Variants in SMURF2 observed in about 807,000 individuals in gnomAD.
SMURF2 encodes the protein E3 ubiquitin-protein ligase SMURF2.
SMURF2 carries 48 observed loss-of-function variants against 109.6 expected under a neutral mutation model. That is an observed-to-expected ratio of 0.44 (90% confidence interval 0.35 to 0.56). The LOEUF (loss-of-function observed/expected upper bound fraction) is 0.56, where lower values mean the gene tolerates loss of function less well. SMURF2 is among the 20% of genes least tolerant of loss of function. The probability of loss-of-function intolerance (pLI) is 0.01; values close to 1 mark genes in which losing one functional copy is unlikely to be tolerated. For synonymous variants in SMURF2, 288 were observed against 317.1 expected (o/e 0.91, Z 0.97); for missense variants, 575 against 909.0 (o/e 0.63, Z 4.72).
chr17:64,621,371 G>A (rs1038359608), intron 1 of SMURF2, among the ~76,000 whole-genome samples: 25 of 151,466 alleles, frequency 1.7e-4, no homozygotes, highest in Non-Finnish European at 4.4e-5. Flanking sequence ...CCTGAGGTCA[G>A]GAGTTTGAGA....
chr17:64,593,504 A>T lies in SMURF2; in HGVS notation c.270T>A (p.Gly90=), dbSNP rs1254924774. 8 of 1,609,348 alleles carry T rather than the reference A, an allele frequency of 5.0e-6. No homozygotes were observed. The African/African-American group carries it at 1.1e-4, about 22-fold the overall frequency. Residue 90 remains glycine (G), a synonymous_variant, in exon 4 of 19, where the codon GGT becomes GGA. Transcript: ENST00000262435. ...GACGAACACAACCGAGAAATCCAGC[A>T]CCTTGTTTCTTATGGATCTTCTTGT... ...WNHKKIHKKQ[G]AGFLGCVRLL...
chr17:64,625,746 T>C (rs1467855874), intron 1 of SMURF2, among the ~76,000 whole-genome samples: 3 of 152,168 alleles, frequency 2.0e-5, no homozygotes, highest in African/African-American at 7.2e-5. Context: ...GCCCCATGAC[T>C]CAATTCCCAG....
chr17:64,583,798 TCAA>T (rs1191812914), intron 6 of SMURF2, among the ~76,000 whole-genome samples: 1 of 152,146 alleles, frequency 6.6e-6, no homozygotes, highest in Non-Finnish European at 1.5e-5. Flanking sequence ...TTTAATAATG[TCAA>T]CAATACACAA....
At chr17:64,626,465 T>A (rs1555691184) in intron 1 of SMURF2, among the ~76,000 whole-genome samples, 1 of 151,946 alleles carries the variant, frequency 6.6e-6, no homozygotes, top group Admixed American at 6.6e-5. Context: ...AAGATTCTGT[T>A]TTAAAAACTT....
chr17:64,662,112 G>A lies in SMURF2; in HGVS notation c.-232C>T. The stretch of plus-strand genomic sequence containing the variant: ...TCCTCGGCCCGGGCCGCACAACAAA[G>A]CGGCAGCCGCGGCCGCCCGCGCCGC... On this transcript the variant is annotated 5_prime_UTR_variant, in exon 1 of 19. Transcript: ENST00000262435. The A allele has an allele frequency of 9.5e-6, 10 of 1,047,402 alleles. No homozygotes were observed. The highest frequency in any genetic ancestry group is 1.0e-5 in the Non-Finnish European group (9 of 870,780). The allele number at this position is 1,047,402 out of a possible 1,614,324, so 64.9% of individuals were successfully genotyped here.
rs782772933 is a variant in SMURF2, at chr17:64,546,384, T to C, written c.2072-46A>G. 4 of 1,546,328 alleles carry C rather than the reference T, an allele frequency of 2.6e-6. No individual in the cohort carries two copies. The African/African-American group carries it at 4.1e-5, about 16-fold the overall frequency. The stretch of plus-strand genomic sequence containing the variant: ...GATGAAATCACTGCAGGTGCGTGCA[T>C]TAGTCTCCAAAATCTTAAGAATAAA... On this transcript the variant is annotated intron_variant, in intron 17 of 18. Coordinates refer to ENST00000262435, the MANE Select transcript of SMURF2 (RefSeq NM_022739.4).
intron 2 of SMURF2, among the ~76,000 whole-genome samples, chr17:64,605,977 A>G (rs1555689014): frequency 6.6e-6 from 1 of 151,368 alleles, no homozygotes; most frequent in East Asian, 1.9e-4. Flanking sequence ...ACTTAAAGCT[A>G]CAACAGAATA....
At chr17:64,657,011 C>T (rs994840617) in intron 1 of SMURF2, among the ~76,000 whole-genome samples, 22 of 152,174 alleles carry the variant, frequency 1.4e-4, no homozygotes, top group Non-Finnish European at 2.8e-4. Context: ...AATGCATTAG[C>T]CATAAAGAAC....
intron 16 of SMURF2, among the ~76,000 whole-genome samples, chr17:64,549,146 G>A (rs977121631): frequency 1.3e-5 from 2 of 151,586 alleles, no homozygotes; most frequent in Admixed American, 6.6e-5. Flanking sequence ...GTAGCCGGGC[G>A]TGGTGGCGGG....
rs1164717270 is a variant in SMURF2 at position 64,566,561 on chromosome 17, G to GTTTTTTTTTTTTTTTT, written c.1017-3611_1017-3596dup. 4.8e-3 allele frequency among the ~76,000 whole-genome samples: 209 copies of GTTTTTTTTTTTTTTTT among 43,792 alleles called. 68 individuals are homozygous for GTTTTTTTTTTTTTTTT. The highest frequency in any genetic ancestry group is 7.0e-3 in the Non-Finnish European group (164 of 23,532). The allele number at this position is 43,792 out of a possible 152,430, so 28.7% of individuals were successfully genotyped here. The stretch of plus-strand genomic sequence containing the variant: ...GATGTAGAAATGCTTAAGCTTTCTG[G>GTTTTTTTTTTTTTTTT]TTTTTTTTTTTTTTTTTTTTTTTTT... On this transcript the variant is annotated intron_variant, in intron 10 of 18. Coordinates refer to ENST00000262435, the MANE Select transcript of SMURF2 (RefSeq NM_022739.4).
chr17:64,569,098 G>A (rs1167744789), intron 10 of SMURF2, among the ~76,000 whole-genome samples: 9 of 151,880 alleles, frequency 5.9e-5, no homozygotes, highest in Non-Finnish European at 7.4e-5. Context: ...TCAAGAGCTC[G>A]AGACCAGTCT....
At chr17:64,626,544 T>C (rs1166978131) in intron 1 of SMURF2, among the ~76,000 whole-genome samples, 1 of 151,790 alleles carries the variant, frequency 6.6e-6, no homozygotes, top group Non-Finnish European at 1.5e-5. Context: ...AGGCGGATCA[T>C]TTGAGGTCAG....
chr17:64,592,910 G>A (rs1277666742), intron 4 of SMURF2: 2 of 152,098 alleles, frequency 1.3e-5, no homozygotes, highest in East Asian at 1.9e-4. Context: ...TCAAAATAAC[G>A]TTTAATCTTT....
At chr17:64,593,403 A>G (rs1278579932) in intron 4 of SMURF2, 37 bp downstream of exon 4, 6 of 1,589,554 alleles carry the variant, frequency 3.8e-6, no homozygotes, top group Admixed American at 3.5e-5. Flanking sequence ...ACACACATAT[A>G]TGTTTTTTAA....
chr17:64,615,354 T>C (rs900406733), intron 1 of SMURF2, among the ~76,000 whole-genome samples: 1 of 152,182 alleles, frequency 6.6e-6, no homozygotes, highest in Non-Finnish European at 1.5e-5. Flanking sequence ...GTAGCATAAA[T>C]GCTTTTGAAC....
chr17:64,643,587 C>G (rs1555692756), intron 1 of SMURF2, among the ~76,000 whole-genome samples: 1 of 152,156 alleles, frequency 6.6e-6, no homozygotes, highest in African/African-American at 2.4e-5. Flanking sequence ...TCCCTTTGCC[C>G]TTGCTGGGCC....
At chr17:64,636,440 T>TA (rs1970417065) in intron 1 of SMURF2, among the ~76,000 whole-genome samples, 1 of 151,830 alleles carries the variant, frequency 6.6e-6, no homozygotes, top group African/African-American at 2.4e-5. Context: ...CCATCTCTAC[T>TA]AAAAATATAA....
At chr17:64,585,123 T>C (rs1555686968) in intron 6 of SMURF2, among the ~76,000 whole-genome samples, 1 of 152,214 alleles carries the variant, frequency 6.6e-6, no homozygotes, top group Non-Finnish European at 1.5e-5. Flanking sequence ...CTTCAATGGA[T>C]GCAATTTATT....
chr17:64,561,033 C>T (rs558926677), intron 12 of SMURF2: 2 of 149,770 alleles, frequency 1.3e-5, no homozygotes, highest in South Asian at 4.2e-4. Context: ...ACAAATGTAG[C>T]AGAAGCATTC....
Sources: allele counts gnomAD v4.1 joint callset (sites outside exome capture counted in the v4.1 genomes callset), GRCh38; gene constraint gnomAD v4.1.1; transcripts MANE v1.5; gene names NCBI Gene and HGNC (gene_info 2026-07-23, HGNC 2026-07-21).